RERE: variants seen among roughly 807,000 people sequenced by gnomAD.
RERE encodes arginine-glutamic acid dipeptide repeats protein.
Under a neutral mutation model 146.1 loss-of-function variants are expected in RERE, and 40 were observed. The ratio of observed to expected loss-of-function variants is 0.27; its 90% CI spans 0.21 to 0.36. The LOEUF (loss-of-function observed/expected upper bound fraction) is 0.36, where lower values mean the gene tolerates loss of function less well. Among genes scored for constraint, RERE ranks in the 10% least tolerant of loss-of-function variants. The pLI is 1.00. For synonymous variants in RERE, 1,003 were observed against 866.0 expected, an observed-to-expected ratio of 1.16 and a Z score of -2.78; for missense variants, 1,933 against 2,138.7, an observed-to-expected ratio of 0.90 and a Z score of 1.90.
intron 6 of RERE, among the ~76,000 whole-genome samples, chr1:8,549,587 G>A (rs2124409254): frequency 6.6e-6 from 1 of 152,256 alleles, no homozygotes; most frequent in South Asian, 2.1e-4. Context: ...TCCACTGATA[G>A]GTGCTTAAAA....
At chr1:8,666,810 T>C (rs1024142681) in intron 1 of RERE, among the ~76,000 whole-genome samples, 11 of 152,354 alleles carry the variant, frequency 7.2e-5, no homozygotes, top group Admixed American at 7.2e-4. Context: ...TTCCATGTTT[T>C]AAAGTTCTTC....
chr1:8,514,289 G>A (rs1267238037), intron 7 of RERE, among the ~76,000 whole-genome samples: 5 of 152,232 alleles, frequency 3.3e-5, no homozygotes, highest in Admixed American at 1.3e-4. Context: ...TTCTTTCAAA[G>A]AGTAACTGAT....
chr1:8,571,823 T>TTA (rs1246352860), intron 4 of RERE, among the ~76,000 whole-genome samples: 11 of 152,180 alleles, frequency 7.2e-5, no homozygotes, highest in Non-Finnish European at 8.8e-5. Context: ...ATGAGAAGCC[T>TTA]TAGTTAATCT....
At chr1:8,794,356 T>TC (rs1246335489) in intron 1 of RERE, among the ~76,000 whole-genome samples, 4 of 32,510 alleles carry the variant, frequency 1.2e-4, no homozygotes, top group African/African-American at 3.5e-4. Context: ...AGACTCCGTC[T>TC]CAAAAAAAAA....
At chr1:8,556,047 G>A (rs974235923) in intron 6 of RERE, among the ~76,000 whole-genome samples, 1 of 152,038 alleles carries the variant, frequency 6.6e-6, no homozygotes, top group African/African-American at 2.4e-5. Context: ...TCTAGTGGCA[G>A]GAATTAAATC....
At chr1:8,700,311 A>T (rs1387916878) in intron 1 of RERE, among the ~76,000 whole-genome samples, 2 of 152,126 alleles carry the variant, frequency 1.3e-5, no homozygotes, top group East Asian at 3.8e-4. Flanking sequence ...ACTCAAAAAA[A>T]ATAAAAATAA....
Position 8,361,197 on chromosome 1 carries a change from G to A in RERE, c.2310C>T (p.Ala770=), listed in dbSNP as rs776123246. ...QLPTPGPTPS[A]TAVPPQGSPT... Reference sequence around the variant, plus strand: ...GGGAGCCCTGTGGGGGAACTGCAGTGGCAGAGGGCGTGGGCCCTGGCGTGG... The same window carrying A: ...GGGAGCCCTGTGGGGGAACTGCAGTAGCAGAGGGCGTGGGCCCTGGCGTGG... Residue 770 remains alanine, a synonymous_variant, in exon 18 of 23, where the codon GCC becomes GCT. Coordinates refer to ENST00000400908, the MANE Select transcript of RERE (RefSeq NM_001042681.2). 3 of 1,487,276 alleles carry A rather than the reference G, an allele frequency of 2.0e-6. No individual in the cohort carries two copies. The South Asian group carries it at 4.1e-5, about 20-fold the overall frequency. The allele number at this position is 1,487,276 out of a possible 1,614,324, so 92.1% of individuals were successfully genotyped here.
chr1:8,694,981 G>C (rs1022771749), intron 1 of RERE, among the ~76,000 whole-genome samples: 1 of 125,404 alleles, frequency 8.0e-6, no homozygotes, highest in Non-Finnish European at 1.7e-5. Flanking sequence ...TAAGGGGGGG[G>C]GGGGAATGCT....
intron 3 of RERE, among the ~76,000 whole-genome samples, chr1:8,615,296 C>T (rs1410567225): frequency 1.3e-5 from 2 of 152,112 alleles, no homozygotes; most frequent in Non-Finnish European, 1.5e-5. Context: ...TCCAAACGCC[C>T]ACAAGGTGAG....
In RERE at chr1:8,367,944, T is replaced by A. The variant is rs141988379; in HGVS notation, c.1285-1970A>T. ...ACAAGATCACTGCTGACATAAACGCTGACTTGTGTCTGGTTTTCCTCTGAG... is the reference window on the plus strand; with the variant it reads ...ACAAGATCACTGCTGACATAAACGCAGACTTGTGTCTGGTTTTCCTCTGAG... On this transcript the variant is annotated intron_variant, in intron 12 of 22. Transcript: ENST00000400908. Among the ~76,000 whole-genome samples the A allele has an allele frequency of 7.0e-4, 107 of 152,324 alleles. 3 individuals carry two copies. The South Asian group carries it at 0.012, about 17-fold the overall frequency.
At chr1:8,789,301 A>C in intron 1 of RERE, among the ~76,000 whole-genome samples, 1 of 24,814 alleles carries the variant, frequency 4.0e-5, no homozygotes, top group Non-Finnish European at 6.5e-5. Flanking sequence ...AAAAAAAAAA[A>C]ATATATATAT....
chr1:8,431,003 C>T (rs891187030), intron 11 of RERE, among the ~76,000 whole-genome samples: 7 of 152,204 alleles, frequency 4.6e-5, no homozygotes, highest in Non-Finnish European at 5.9e-5. Context: ...CAGAGCCACA[C>T]TGGGTAGGCC....
At chr1:8,457,184 T>C (rs992994597) in intron 11 of RERE, among the ~76,000 whole-genome samples, 2 of 152,138 alleles carry the variant, frequency 1.3e-5, no homozygotes, top group African/African-American at 4.8e-5. Context: ...CAGTCAACAA[T>C]CACAGGAAGA....
chr1:8,642,882 A>T (rs1647198402), intron 2 of RERE, among the ~76,000 whole-genome samples: 1 of 152,218 alleles, frequency 6.6e-6, no homozygotes, highest in Non-Finnish European at 1.5e-5. Context: ...CAGCTGAGAC[A>T]ATGCTACCCA....
At chr1:8,696,062 TA>T (rs1639324293) in intron 1 of RERE, among the ~76,000 whole-genome samples, 1 of 152,048 alleles carries the variant, frequency 6.6e-6, no homozygotes, top group African/African-American at 2.4e-5. Flanking sequence ...TGGCTATTAT[TA>T]AAAAGCCAAA....
At chr1:8,482,177 G>A (rs1190510777) in intron 10 of RERE, among the ~76,000 whole-genome samples, 4 of 151,078 alleles carry the variant, frequency 2.6e-5, no homozygotes, top group African/African-American at 9.8e-5. Context: ...GGTTGCCTAG[G>A]GCTGCTCAAT....
At position 8,360,179 on chromosome 1, in the gene RERE, G is replaced by A. The variant is rs1316228113; in HGVS notation, c.3328C>T (p.Pro1110Ser). The A allele has an allele frequency of 1.3e-6, 2 of 1,598,858 alleles. No individual in the cohort carries two copies. Among genetic ancestry groups the A allele is most frequent in the Admixed American group, 3.4e-5 (2 of 58,332 alleles). The change falls in exon 18 of 23, where the codon CCA becomes TCA. Residue 1110 changes from proline to serine, a missense_variant. Physicochemically the swap from Pro to Ser is moderately conservative, Grantham distance 74. Around this residue, in one of 11 missense-constraint regions of RERE, gnomAD observed 1,255 missense variants for 1,153.8 expected, o/e 1.09. Transcript: ENST00000400908. The part of the protein sequence containing the change: ...DAEEPESPPP[P>S]PRSPSPEPTV... ...GGCTCCGGGGACGGGCTCCTTGGTGGGGGAGGGGGGCTCTCAGGCTCCTCA... is the reference window on the plus strand; with the variant it reads ...GGCTCCGGGGACGGGCTCCTTGGTGAGGGAGGGGGGCTCTCAGGCTCCTCA...
At chr1:8,557,620 A>C (rs1646023024) in intron 4 of RERE, 97 bp from the exon 5 acceptor site, 2 of 752,962 alleles carry the variant, frequency 2.7e-6, no homozygotes, top group Admixed American at 4.0e-5. Flanking sequence ...ACGGGTGGAC[A>C]CGTAGATAGG....
At chr1:8,534,895 T>C (rs1645704817) in intron 7 of RERE, among the ~76,000 whole-genome samples, 1 of 152,132 alleles carries the variant, frequency 6.6e-6, no homozygotes, top group Admixed American at 6.5e-5. Flanking sequence ...GAACACAAAA[T>C]TTCTGTGATA....
Sources: allele counts gnomAD v4.1 joint callset (sites outside exome capture counted in the v4.1 genomes callset), GRCh38; gene constraint gnomAD v4.1.1; regional missense constraint gnomAD v4.1.1; transcripts MANE v1.5; gene names NCBI Gene and HGNC (gene_info 2026-07-23, HGNC 2026-07-21).